PGM5: variants seen among roughly 807,000 people sequenced by gnomAD.
PGM5 encodes phosphoglucomutase 5, also known as phosphoglucomutase-like protein 5.
PGM5 carries 23 observed loss-of-function variants against 59.2 expected under a neutral mutation model. The ratio of observed to expected loss-of-function variants is 0.39; its 90% CI spans 0.28 to 0.55. PGM5 has a LOEUF of 0.55. PGM5 is among the 20% of genes least tolerant of loss of function. PGM5 has a pLI of 0.66. For synonymous variants in PGM5, 214 were observed against 286.0 expected, an observed-to-expected ratio of 0.75 and a Z score of 2.54; for missense variants, 574 against 748.3, an observed-to-expected ratio of 0.77 and a Z score of 2.72.
chr9:68,495,931 T>C (rs1554688112), intron 9 of PGM5, among the ~76,000 whole-genome samples: 1 of 152,182 alleles, frequency 6.6e-6, no homozygotes, highest in African/African-American at 2.4e-5. Flanking sequence ...AGTAAATATT[T>C]TATACCTTGG....
chr9:68,447,605 T>C (rs1311401451), intron 6 of PGM5, among the ~76,000 whole-genome samples: 4 of 152,210 alleles, frequency 2.6e-5, no homozygotes, highest in South Asian at 2.1e-4. Flanking sequence ...TGCTGAAATG[T>C]TAGCTGTTAT....
chr9:68,503,945 G>A (rs924286201), intron 10 of PGM5, among the ~76,000 whole-genome samples: 1 of 152,178 alleles, frequency 6.6e-6, no homozygotes, highest in Non-Finnish European at 1.5e-5. Flanking sequence ...TTAAAATGTG[G>A]ATTCTGACTC....
intron 9 of PGM5, among the ~76,000 whole-genome samples, chr9:68,488,190 C>T (rs1285033131): frequency 2.6e-5 from 4 of 152,004 alleles, no homozygotes; most frequent in Admixed American, 2.6e-4. Flanking sequence ...TGAGAAGGCC[C>T]CTTCAGTTTC....
At chr9:68,426,395 A>T (rs564447339) in intron 6 of PGM5, among the ~76,000 whole-genome samples, 3 of 152,322 alleles carry the variant, frequency 2.0e-5, no homozygotes, top group African/African-American at 7.2e-5. Flanking sequence ...TGTTTTTAAC[A>T]CATTTCTGAT....
chr9:68,382,480 C>T (rs782202310), intron 2 of PGM5, among the ~76,000 whole-genome samples: 5 of 151,714 alleles, frequency 3.3e-5, no homozygotes, highest in Non-Finnish European at 7.4e-5. Context: ...ACATCAAAAG[C>T]TCAGGCTACA....
At chr9:68,424,856 C>T (rs1043354424) in intron 6 of PGM5, among the ~76,000 whole-genome samples, 31 of 152,062 alleles carry the variant, frequency 2.0e-4, no homozygotes, top group African/African-American at 6.3e-4. Context: ...TTTTAAAGAA[C>T]GCTTGCAAAA....
In PGM5 at chr9:68,519,385, A is replaced by G. The variant is rs150450268; in HGVS notation, c.1615-10182A>G. 1.6e-4 allele frequency among the ~76,000 whole-genome samples: 24 copies of G among 152,280 alleles called. No individual in the cohort carries two copies. In the East Asian group the frequency reaches 4.6e-3, roughly 29 times the overall value. ...ACAGTAACTAAACACCATGAGCATA[A>G]TTGTAGTTAAGGTAAGATCCTTGAA... On this transcript the variant is annotated intron_variant, in intron 10 of 10. Coordinates refer to ENST00000396396, the MANE Select transcript of PGM5 (RefSeq NM_021965.4).
intron 10 of PGM5, among the ~76,000 whole-genome samples, chr9:68,513,077 T>C (rs1824776650): frequency 1.3e-5 from 2 of 152,252 alleles, no homozygotes; most frequent in African/African-American, 4.8e-5. Flanking sequence ...TGACACGTTA[T>C]TTACAATTTC....
At chr9:68,503,648 A>T (rs1824612254) in intron 10 of PGM5, among the ~76,000 whole-genome samples, 1 of 152,236 alleles carries the variant, frequency 6.6e-6, no homozygotes, top group Non-Finnish European at 1.5e-5. Flanking sequence ...TTAGAACCGC[A>T]TCTCTTTGGA....
chr9:68,361,059 T>C (rs7848303), intron 1 of PGM5, among the ~76,000 whole-genome samples: 1 of 152,116 alleles, frequency 6.6e-6, no homozygotes, highest in Non-Finnish European at 1.5e-5. Context: ...GCTAGGACTA[T>C]AGGTGCACAC....
chr9:68,480,179 C>A (rs1587204525), intron 8 of PGM5, among the ~76,000 whole-genome samples: 2 of 152,176 alleles, frequency 1.3e-5, no homozygotes, highest in South Asian at 4.1e-4. Context: ...CTGTGAGAGC[C>A]GTGCAGTCAA....
intron 1 of PGM5, 114 bp downstream of exon 1, chr9:68,357,502 T>A: frequency 6.7e-7 from 1 of 1,500,306 alleles, no homozygotes; most frequent in Non-Finnish European, 8.9e-7. Context: ...GGCCCCGGCT[T>A]TGCTACCTCA....
At chr9:68,425,430 G>A (rs1554682632) in intron 6 of PGM5, among the ~76,000 whole-genome samples, 1 of 152,138 alleles carries the variant, frequency 6.6e-6, no homozygotes, top group Non-Finnish European at 1.5e-5. Flanking sequence ...GGAGGGATGT[G>A]GAGACTTTCC....
intron 6 of PGM5, chr9:68,397,069 C>A (rs1822527152): frequency 6.5e-6 from 1 of 152,680 alleles, no homozygotes; most frequent in Non-Finnish European, 1.5e-5. Context: ...ACAAGGATTC[C>A]ATTTAGCCCA....
chr9:68,460,473 C>T (rs782427777), intron 6 of PGM5, among the ~76,000 whole-genome samples: 1 of 152,118 alleles, frequency 6.6e-6, no homozygotes, highest in Non-Finnish European at 1.5e-5. Flanking sequence ...GCTCCTCAAA[C>T]CTTTGAGGAT....
In PGM5 at chr9:68,360,495, G is replaced by A. The variant is rs573607979; in HGVS notation, c.261+3107G>A. On this transcript the variant is annotated intron_variant, in intron 1 of 10. Transcript: ENST00000396396. ...CTGGGCCAACTTTTTTAGGAAATGG[G>A]AGAAATATACCCTGTTCAATGTTTA... is the stretch of plus-strand genomic sequence containing the variant. 2.0e-3 allele frequency among the ~76,000 whole-genome samples: 295 copies of A among 150,562 alleles called. 1 individual carries two copies. The highest frequency in any genetic ancestry group is 6.6e-3 in the African/African-American group (273 of 41,258).
chr9:68,389,163 T>G (rs1554679213), intron 4 of PGM5, among the ~76,000 whole-genome samples: 1 of 152,078 alleles, frequency 6.6e-6, no homozygotes, highest in Non-Finnish European at 1.5e-5. Flanking sequence ...AAACTTTTGT[T>G]TGTATTTTCC....
In PGM5 at chr9:68,484,048, G is replaced by A; in HGVS notation, c.1479G>A (p.Gln493=). ...TGGATGGCACTGTGACCAAGAAACA[G>A]GTACTTGCTAGGAAATCACTACAAC... is the stretch of plus-strand genomic sequence containing the variant. ...DPVDGTVTKK[Q]GLRIIFSDAS... Residue 493 remains glutamine, a splice_region_variant and synonymous_variant, in exon 9 of 11, where the codon CAG becomes CAA. Coordinates refer to ENST00000396396, the MANE Select transcript of PGM5 (RefSeq NM_021965.4). The A allele has an allele frequency of 6.2e-7, 1 of 1,612,442 alleles. No homozygotes were observed. Among genetic ancestry groups the A allele is most frequent in the Non-Finnish European group, 8.5e-7 (1 of 1,179,498 alleles).
chr9:68,426,615 T>A (rs1823242766), intron 6 of PGM5, among the ~76,000 whole-genome samples: 1 of 131,470 alleles, frequency 7.6e-6, no homozygotes. Context: ...TCTTTATTAT[T>A]TTTTTTTTTT....
Sources: gnomAD v4.1 joint callset for allele counts (sites outside exome capture counted in the v4.1 genomes callset) on GRCh38, gnomAD v4.1.1 for gene constraint, MANE v1.5 for transcripts, NCBI Gene and HGNC (gene_info 2026-07-23, HGNC 2026-07-21) for gene names.